The following CLEC16A variants were observed in gnomAD, a reference collection of about 807,000 sequenced individuals.
CLEC16A encodes C-type lectin domain containing 16A.
CLEC16A carries 51 observed loss-of-function variants against 109.5 expected under a neutral mutation model. The ratio of observed to expected loss-of-function variants is 0.47; its 90% confidence interval spans 0.37 to 0.59. The LOEUF is 0.59. Ranked by LOEUF, CLEC16A falls within the 20% of genes least tolerant of loss-of-function variation. The pLI, the probability that CLEC16A is intolerant of heterozygous loss-of-function variation, is 0.00. For synonymous variants in CLEC16A, 673 were observed against 564.2 expected, an observed-to-expected ratio of 1.19 and a Z score of -2.73; for missense variants, 1,339 against 1,394.0, an observed-to-expected ratio of 0.96 and a Z score of 0.63.
intron 9 of CLEC16A, among the ~76,000 whole-genome samples, chr16:10,981,486 C>T (rs910961682): frequency 4.6e-5 from 7 of 152,112 alleles, no homozygotes; most frequent in Non-Finnish European, 8.8e-5. Flanking sequence ...GGCCATTCTG[C>T]CTGTACCTTT....
chr16:11,146,701 G>T (rs11863016), intron 22 of CLEC16A, among the ~76,000 whole-genome samples: 27,938 of 148,404 alleles, frequency 0.19, 2,792 homozygotes, highest in African/African-American at 0.27. Context: ...AAATGGGTAG[G>T]TGGCTGCTGG....
intron 22 of CLEC16A, among the ~76,000 whole-genome samples, chr16:11,144,440 G>C (rs949259047): frequency 1.1e-4 from 16 of 152,062 alleles, no homozygotes; most frequent in African/African-American, 3.9e-4. Context: ...TAGATGATCA[G>C]GAAGCCACTC....
intron 19 of CLEC16A, among the ~76,000 whole-genome samples, chr16:11,096,008 A>G (rs1191217613): frequency 6.6e-6 from 1 of 151,944 alleles, no homozygotes; most frequent in African/African-American, 2.4e-5. Context: ...TTAATTACAC[A>G]AATACTGTGC....
chr16:11,016,474 C>T (rs973573240), intron 11 of CLEC16A, among the ~76,000 whole-genome samples: 16 of 151,826 alleles, frequency 1.1e-4, no homozygotes, highest in African/African-American at 3.9e-4. Context: ...TCAGCCTCCC[C>T]AGTAGTTGGG....
At chr16:11,083,494 A>G (rs1473712110) in intron 19 of CLEC16A, among the ~76,000 whole-genome samples, 2 of 152,122 alleles carry the variant, frequency 1.3e-5, no homozygotes, top group Admixed American at 6.5e-5. Flanking sequence ...GGCACTGAGG[A>G]TTTAAGTGTG....
intron 3 of CLEC16A, among the ~76,000 whole-genome samples, chr16:10,965,094 T>C (rs2042438485): frequency 6.6e-6 from 1 of 152,202 alleles, no homozygotes; most frequent in African/African-American, 2.4e-5. Flanking sequence ...TTCTATGAAT[T>C]TGACTGTCTT....
intron 19 of CLEC16A, among the ~76,000 whole-genome samples, chr16:11,102,198 G>T (rs945595868): frequency 1.3e-5 from 2 of 152,102 alleles, no homozygotes; most frequent in African/African-American, 4.8e-5. Flanking sequence ...TTTAAATAAG[G>T]CCATCTGATT....
intron 17 of CLEC16A, 60 bp from the exon 18 acceptor site, chr16:11,051,453 G>T (rs977442730): frequency 3.8e-5 from 59 of 1,571,746 alleles, no homozygotes; most frequent in Non-Finnish European, 4.9e-5. Context: ...ACCTCCCCCG[G>T]CCCCTTCCTC....
At chr16:11,118,278 G>A (rs1567343551) in intron 19 of CLEC16A, among the ~76,000 whole-genome samples, 1 of 152,144 alleles carries the variant, frequency 6.6e-6, no homozygotes, top group Non-Finnish European at 1.5e-5. Context: ...AGTAAGAGAA[G>A]GAACCTAGCA....
At chr16:11,032,062 C>T (rs1428515944) in intron 13 of CLEC16A, among the ~76,000 whole-genome samples, 1 of 152,188 alleles carries the variant, frequency 6.6e-6, no homozygotes, top group African/African-American at 2.4e-5. Context: ...GCTGTCAGCA[C>T]AATAGAGGGT....
intron 10 of CLEC16A, among the ~76,000 whole-genome samples, chr16:11,002,464 C>T (rs897818493): frequency 3.3e-5 from 5 of 152,164 alleles, no homozygotes; most frequent in Admixed American, 6.5e-5. Context: ...CTGGAGGTGG[C>T]ATTTGTTTTG....
At position 11,042,543 on chromosome 16, in the gene CLEC16A, C is replaced by CT. The variant is rs545189767; in HGVS notation, c.1770+183dup. Among the ~76,000 whole-genome samples, 49 of 152,342 alleles carry CT rather than the reference C, an allele frequency of 3.2e-4. No homozygotes were observed. In the South Asian group the frequency reaches 9.5e-3, roughly 30 times the overall value. ...AACCTACTTATTCAGCAGGGACTTC[C>CT]TTTCAGCCGAGACTCGCTGAAGAGT... On this transcript the variant is annotated intron_variant, in intron 15 of 23. Transcript: ENST00000409790.
chr16:11,177,899 G>C (rs2068820916), intron 23 of CLEC16A, among the ~76,000 whole-genome samples: 1 of 149,446 alleles, frequency 6.7e-6, no homozygotes, highest in South Asian at 2.1e-4. Context: ...TTGGGTAAAT[G>C]TCATCAAATG....
intron 1 of CLEC16A, among the ~76,000 whole-genome samples, chr16:10,950,459 C>A (rs533551854): frequency 1.3e-5 from 2 of 152,326 alleles, no homozygotes; most frequent in South Asian, 4.1e-4. Flanking sequence ...TTCTCTAGGG[C>A]TAAAGCCCTA....
At chr16:11,027,859 A>G in intron 13 of CLEC16A, 1 of 660,218 alleles carries the variant, frequency 1.5e-6, no homozygotes, top group Non-Finnish European at 2.7e-6. Flanking sequence ...TTCAGAGAAG[A>G]TTATTTCCTG....
At chr16:11,008,876 G>C (rs1252924323) in intron 11 of CLEC16A, among the ~76,000 whole-genome samples, 1 of 150,480 alleles carries the variant, frequency 6.6e-6, no homozygotes, top group Non-Finnish European at 1.5e-5. Context: ...GCGGGCACCT[G>C]TAGTCCCAGC....
intron 2 of CLEC16A, among the ~76,000 whole-genome samples, chr16:10,958,343 C>G (rs1233261610): frequency 6.6e-6 from 1 of 152,128 alleles, no homozygotes; most frequent in Non-Finnish European, 1.5e-5. Context: ...TCCCACCCAC[C>G]CCATGGTAGA....
At chr16:10,948,544 T>C (rs2041551863) in intron 1 of CLEC16A, among the ~76,000 whole-genome samples, 1 of 152,224 alleles carries the variant, frequency 6.6e-6, no homozygotes, top group South Asian at 2.1e-4. Flanking sequence ...ATCGTTTGAT[T>C]GCTACTGAAA....
At chr16:10,994,062 G>T (rs150842760) in intron 10 of CLEC16A, among the ~76,000 whole-genome samples, 1 of 152,344 alleles carries the variant, frequency 6.6e-6, no homozygotes, top group Non-Finnish European at 1.5e-5. Context: ...AGAGGCCTGT[G>T]AGTGCTGTGA....
Sources: gnomAD v4.1 joint callset for allele counts (sites outside exome capture counted in the v4.1 genomes callset) on GRCh38, gnomAD v4.1.1 for gene constraint, MANE v1.5 for transcripts, NCBI Gene and HGNC (gene_info 2026-07-23, HGNC 2026-07-21) for gene names.